PEPD: variants seen among roughly 807,000 people sequenced by gnomAD.
PEPD encodes the protein peptidase D.
A neutral mutation model predicts 60.7 loss-of-function variants in PEPD; 53 were observed. The ratio of observed to expected loss-of-function variants is 0.87; its 90% CI spans 0.70 to 1.10. The LOEUF is 1.10. PEPD is among the 50% of genes least tolerant of loss of function. PEPD has a pLI of 0.00. For synonymous variants in PEPD, 267 were observed against 284.1 expected (o/e 0.94, Z 0.60); for missense variants, 711 against 711.9 (o/e 1.00, Z 0.01).
intron 1 of PEPD, among the ~76,000 whole-genome samples, chr19:33,514,161 G>C (rs1275016792): frequency 1.3e-5 from 2 of 152,290 alleles, no homozygotes; most frequent in African/African-American, 4.8e-5. Flanking sequence ...AGTAAGCAGG[G>C]GCAGGGTGTG....
intron 4 of PEPD, 130 bp from the exon 5 acceptor site, chr19:33,493,467 T>G (rs1970539722): frequency 2.7e-6 from 2 of 743,922 alleles, no homozygotes; most frequent in African/African-American, 3.5e-5. Context: ...ACGTGGGCGC[T>G]GCCCTCACCC....
At chr19:33,459,281 C>G (rs1969883103) in intron 9 of PEPD, among the ~76,000 whole-genome samples, 1 of 152,142 alleles carries the variant, frequency 6.6e-6, no homozygotes, top group Admixed American at 6.5e-5. Context: ...ATTCACAGCT[C>G]AGAGAGAAAG....
At chr19:33,460,427 A>AT (rs1294775733) in intron 9 of PEPD, among the ~76,000 whole-genome samples, 1 of 152,094 alleles carries the variant, frequency 6.6e-6, no homozygotes, top group African/African-American at 2.4e-5. Context: ...GACACTGGCA[A>AT]TCGGGGCGCC....
chr19:33,471,800 G>A (rs749729720), intron 7 of PEPD, among the ~76,000 whole-genome samples: 13 of 152,164 alleles, frequency 8.5e-5, no homozygotes, highest in Non-Finnish European at 1.6e-4. Flanking sequence ...TAAGGCCAAG[G>A]CTGAGCACAG....
chr19:33,422,942 CA>C (rs1459103242), intron 9 of PEPD, among the ~76,000 whole-genome samples: 4 of 152,064 alleles, frequency 2.6e-5, no homozygotes, highest in Non-Finnish European at 5.9e-5. Context: ...ATCCATTTAT[CA>C]CTCTATCTAC....
At chr19:33,474,872 T>C (rs866271651) in intron 7 of PEPD, among the ~76,000 whole-genome samples, 1 of 150,978 alleles carries the variant, frequency 6.6e-6, no homozygotes, top group South Asian at 2.1e-4. Context: ...CACAGCTACT[T>C]GGAAGGCTGA....
At chr19:33,493,115 G>A (rs1370703195) in intron 5 of PEPD, among the ~76,000 whole-genome samples, 175 bp downstream of exon 5, 1 of 152,082 alleles carries the variant, frequency 6.6e-6, no homozygotes, top group Non-Finnish European at 1.5e-5. Flanking sequence ...GGCTCCAAGC[G>A]ATCCTCCCAC....
At chr19:33,391,182 T>A (rs1037463225) in intron 13 of PEPD, 113 bp downstream of exon 13, 4 of 869,640 alleles carry the variant, frequency 4.6e-6, no homozygotes, top group Non-Finnish European at 5.7e-6. Context: ...ATGGGGCCCA[T>A]CCCTGCCATC....
At chr19:33,492,282 G>A (rs150165531) in intron 5 of PEPD, among the ~76,000 whole-genome samples, 18 of 152,196 alleles carry the variant, frequency 1.2e-4, no homozygotes, top group African/African-American at 2.4e-4. Context: ...CAGTCACTGC[G>A]CCCCACACCC....
chr19:33,490,119 CCT>C (rs1970471392), intron 5 of PEPD, 62 bp from the exon 6 acceptor site: 7 of 1,134,434 alleles, frequency 6.2e-6, no homozygotes, highest in South Asian at 5.1e-5. Flanking sequence ...AGCCTGCACC[CCT>C]GAGGCCTCCA....
chr19:33,510,992 T>G (rs912011732), intron 3 of PEPD, 36 bp downstream of exon 3: 1 of 1,604,510 alleles, frequency 6.2e-7, no homozygotes, highest in African/African-American at 1.3e-5. Context: ...AGCCCATGGT[T>G]GGTAGCCATG....
intron 9 of PEPD, among the ~76,000 whole-genome samples, chr19:33,457,836 A>G (rs1969833012): frequency 6.8e-6 from 1 of 147,372 alleles, no homozygotes; most frequent in Non-Finnish European, 1.5e-5. Context: ...TCTTAAAACA[A>G]GAAAACAAAC....
intron 12 of PEPD, among the ~76,000 whole-genome samples, chr19:33,399,019 C>T (rs1258651952): frequency 6.6e-6 from 1 of 152,120 alleles, no homozygotes; most frequent in Admixed American, 6.6e-5. Context: ...GGTCTCACTC[C>T]ATCACCCAGG....
chr19:33,467,694 G>C (rs1037086329), intron 7 of PEPD, among the ~76,000 whole-genome samples: 5 of 152,152 alleles, frequency 3.3e-5, no homozygotes, highest in African/African-American at 1.2e-4. Flanking sequence ...AATTCGCTTT[G>C]GGGAGGGGTG....
At chr19:33,439,967 C>T (rs552377005) in intron 9 of PEPD, among the ~76,000 whole-genome samples, 19 of 152,288 alleles carry the variant, frequency 1.2e-4, no homozygotes, top group East Asian at 3.9e-4. Flanking sequence ...ATCTCCCTGC[C>T]GTGGACTACC....
intron 7 of PEPD, among the ~76,000 whole-genome samples, chr19:33,471,221 A>G (rs1472476507): frequency 6.6e-6 from 1 of 152,146 alleles, no homozygotes; most frequent in Non-Finnish European, 1.5e-5. Flanking sequence ...AATTGAATCT[A>G]TGCTTAAATA....
At chr19:33,518,475 A>G (rs1239304917) in intron 1 of PEPD, among the ~76,000 whole-genome samples, 1 of 152,164 alleles carries the variant, frequency 6.6e-6, no homozygotes, top group Non-Finnish European at 1.5e-5. Context: ...ACGGCTCAAC[A>G]GGGGTACACG....
intron 10 of PEPD, among the ~76,000 whole-genome samples, chr19:33,413,354 T>C (rs1445052917): frequency 1.3e-5 from 2 of 152,208 alleles, no homozygotes; most frequent in Non-Finnish European, 2.9e-5. Flanking sequence ...GGGCAGGCCA[T>C]GCTCCCTCCT....
At chr19:33,432,510 G>A (rs1352327860) in intron 9 of PEPD, among the ~76,000 whole-genome samples, 6 of 152,054 alleles carry the variant, frequency 3.9e-5, no homozygotes, top group African/African-American at 1.4e-4. Context: ...GGCAGAACCC[G>A]CAGCTCTGAA....
Sources: allele counts gnomAD v4.1 joint callset (sites outside exome capture counted in the v4.1 genomes callset), GRCh38; gene constraint gnomAD v4.1.1; transcripts MANE v1.5; gene names NCBI Gene and HGNC (gene_info 2026-07-23, HGNC 2026-07-21).